SYBU: variants seen among roughly 807,000 people sequenced by gnomAD.
The protein encoded by SYBU is GOLSYN A protein.
In SYBU, 21 loss-of-function variants were observed where a neutral mutation model predicts 35.9. The observed-to-expected ratio is 0.58, with a 90% CI of 0.41 to 0.84. The LOEUF is 0.84. SYBU is among the 40% of genes least tolerant of loss of function. SYBU has a pLI of 0.00. For missense variants in SYBU, 768 were observed against 848.2 expected, an observed-to-expected ratio of 0.91 and a Z score of 1.17; for synonymous variants, 319 against 324.3, an observed-to-expected ratio of 0.98 and a Z score of 0.18.
rs543665099 is a variant in SYBU, at chr8:109,643,135, CAT to C, written c.25-205_25-204del. The C allele has an allele frequency of 3.5e-5, 46 of 1,298,938 alleles. No homozygotes were observed. The Admixed American group carries it at 5.2e-4, about 15-fold the overall frequency. 80.5% of individuals were successfully genotyped at this position (1,298,938 alleles called of 1,614,324 possible). A position where few individuals can be genotyped will look rare whatever the true frequency, so the allele number is the denominator to read the frequency against. On this transcript the variant is annotated intron_variant, in intron 1 of 6. Transcript: ENST00000276646. Reference sequence around the variant, plus strand: ...AACCTTTCTAATCTACTGAATAGCACATGTCTGTGTGGCACACACACACACAC... The same window carrying C: ...AACCTTTCTAATCTACTGAATAGCACGTCTGTGTGGCACACACACACACAC...
At chr8:109,659,484 C>T (rs1200526688) in intron 1 of SYBU, among the ~76,000 whole-genome samples, 1 of 152,136 alleles carries the variant, frequency 6.6e-6, no homozygotes, top group African/African-American at 2.4e-5. Context: ...TGTTTATTTA[C>T]ATTGTTCATT....
chr8:109,656,543 C>T (rs1165071738), intron 1 of SYBU, among the ~76,000 whole-genome samples: 1 of 152,098 alleles, frequency 6.6e-6, no homozygotes, highest in East Asian at 1.9e-4. Context: ...TGCTAAAAAC[C>T]AGGAAATGAA....
At chr8:109,592,252 G>T (rs553002772) in intron 3 of SYBU, among the ~76,000 whole-genome samples, 2 of 152,132 alleles carry the variant, frequency 1.3e-5, no homozygotes, top group East Asian at 3.9e-4. Context: ...CTTTACAAAA[G>T]GTGGTTTTCC....
intron 3 of SYBU, among the ~76,000 whole-genome samples, chr8:109,593,445 G>T (rs983227911): frequency 3.9e-5 from 6 of 152,170 alleles, no homozygotes; most frequent in African/African-American, 1.4e-4. Flanking sequence ...ATTATCAGAG[G>T]ACTGGAGGGA....
intron 3 of SYBU, among the ~76,000 whole-genome samples, chr8:109,589,732 G>A (rs937684647): frequency 7.9e-5 from 12 of 152,284 alleles, no homozygotes; most frequent in African/African-American, 2.4e-4. Flanking sequence ...AAAAGAATAC[G>A]TGCCCAAACT....
At chr8:109,631,541 C>T (rs1473928168) in intron 2 of SYBU, among the ~76,000 whole-genome samples, 1 of 152,200 alleles carries the variant, frequency 6.6e-6, no homozygotes, top group Non-Finnish European at 1.5e-5. Flanking sequence ...CGTGCTCTCT[C>T]TCTGGAACAC....
At chr8:109,613,235 G>A (rs1465971673) in intron 3 of SYBU, among the ~76,000 whole-genome samples, 1 of 152,148 alleles carries the variant, frequency 6.6e-6, no homozygotes, top group Non-Finnish European at 1.5e-5. Flanking sequence ...GTGTGTGAGA[G>A]TTTTTAGGAG....
chr8:109,592,784 T>C (rs1040119882), intron 3 of SYBU, among the ~76,000 whole-genome samples: 1 of 152,242 alleles, frequency 6.6e-6, no homozygotes, highest in Admixed American at 6.5e-5. Flanking sequence ...AAGTTTTTTT[T>C]AACTTATCTA....
At chr8:109,672,129 G>A (rs766713971) in intron 1 of SYBU, among the ~76,000 whole-genome samples, 4 of 152,086 alleles carry the variant, frequency 2.6e-5, no homozygotes, top group African/African-American at 7.2e-5. Flanking sequence ...TTGAAATCCC[G>A]ACCTCAGGTG....
intron 3 of SYBU, among the ~76,000 whole-genome samples, chr8:109,590,409 TG>T (rs1434687712): frequency 9.1e-6 from 1 of 110,284 alleles, no homozygotes; most frequent in Non-Finnish European, 1.7e-5. Flanking sequence ...CATATACAGG[TG>T]TTTTTTTTTT....
chr8:109,640,756 G>A lies in SYBU; in HGVS notation c.229+1972C>T, dbSNP rs183736562. On this transcript the variant is annotated intron_variant, in intron 2 of 6. Transcript: ENST00000276646. ...TTTTAAAACATAATATTTTGATAGG[G>A]TTTTTTTTTTCAGAATCAAGCAGAC... 7.0e-4 allele frequency among the ~76,000 whole-genome samples: 92 copies of A among 132,074 alleles called. 1 individual carries two copies. In the Admixed American group the frequency reaches 7.4e-3, roughly 11 times the overall value. The allele number at this position is 132,074 out of a possible 152,430, so 86.6% of individuals were successfully genotyped here. A position where few individuals can be genotyped will look rare whatever the true frequency, so the allele number is the denominator to read the frequency against.
chr8:109,648,259 AATAATATATATAT>A (rs1351361961), upstream of SYBU, among the ~76,000 whole-genome samples: 1 of 129,748 alleles, frequency 7.7e-6, no homozygotes, highest in African/African-American at 3.9e-5. Flanking sequence ...ATATATATAC[AATAATATATATAT>A]ATAATATATA....
At chr8:109,644,610 T>C (rs1815385289) in intron 1 of SYBU, 26 bp downstream of exon 1, 1 of 1,544,204 alleles carries the variant, frequency 6.5e-7, no homozygotes, top group East Asian at 2.5e-5. Flanking sequence ...CGCCCTCCAG[T>C]GCCCGCACTG....
At chr8:109,655,288 T>A (rs1816310357) in intron 1 of SYBU, among the ~76,000 whole-genome samples, 1 of 152,232 alleles carries the variant, frequency 6.6e-6, no homozygotes, top group African/African-American at 2.4e-5. Flanking sequence ...TTTGCTCCTG[T>A]CTTGAGTGTG....
chr8:109,612,517 A>T (rs1337133281), intron 3 of SYBU, among the ~76,000 whole-genome samples: 1 of 152,042 alleles, frequency 6.6e-6, no homozygotes, highest in Non-Finnish European at 1.5e-5. Flanking sequence ...TAAAATTTTA[A>T]TTTTTTTCCA....
At chr8:109,628,566 C>G (rs1813230374) in intron 2 of SYBU, among the ~76,000 whole-genome samples, 1 of 152,152 alleles carries the variant, frequency 6.6e-6, no homozygotes, top group South Asian at 2.1e-4. Context: ...TGGTCTCCAA[C>G]TCCTGGGCTC....
intron 6 of SYBU, 23 bp from the exon 7 acceptor site, chr8:109,576,036 G>A: frequency 1.6e-6 from 1 of 613,586 alleles, no homozygotes; most frequent in Non-Finnish European, 2.4e-6. Flanking sequence ...GACAAGCATG[G>A]TTAATTAAAA....
At chr8:109,582,921 G>A (rs981822794) in intron 4 of SYBU, among the ~76,000 whole-genome samples, 1 of 152,090 alleles carries the variant, frequency 6.6e-6, no homozygotes. Flanking sequence ...CCAAGGAGAG[G>A]AGCCTCAGAA....
chr8:109,595,822 T>A (rs1824806446), intron 3 of SYBU, among the ~76,000 whole-genome samples: 1 of 152,192 alleles, frequency 6.6e-6, no homozygotes, highest in South Asian at 2.1e-4. Context: ...TTTAAAACCT[T>A]CCTTAGACAC....
Sources: gnomAD v4.1 joint callset for allele counts (sites outside exome capture counted in the v4.1 genomes callset) on GRCh38, gnomAD v4.1.1 for gene constraint, MANE v1.5 for transcripts, NCBI Gene and HGNC (gene_info 2026-07-23, HGNC 2026-07-21) for gene names.